The following TAF3 variants were observed in gnomAD, a reference collection of about 807,000 sequenced individuals.
The protein encoded by TAF3 is transcription initiation factor TFIID subunit 3.
TAF3 carries 7 observed loss-of-function variants against 80.6 expected under a neutral mutation model. The observed-to-expected ratio is 0.09, with a 90% confidence interval of 0.05 to 0.16. TAF3 has a LOEUF of 0.16. TAF3 is among the 10% of genes least tolerant of loss of function. The probability of loss-of-function intolerance (pLI) is 1.00; values close to 1 mark genes in which losing one functional copy is unlikely to be tolerated. For missense variants in TAF3, 921 were observed against 1,140.2 expected, an observed-to-expected ratio of 0.81 and a Z score of 2.77; for synonymous variants, 444 against 446.1, an observed-to-expected ratio of 1.00 and a Z score of 0.06.
At chr10:7,928,723 A>G (rs577854466) in intron 2 of TAF3, among the ~76,000 whole-genome samples, 1 of 152,292 alleles carries the variant, frequency 6.6e-6, no homozygotes, top group East Asian at 1.9e-4. Flanking sequence ...GATCTAGGTA[A>G]TGGCCTAAGA....
chr10:7,972,411 A>AAAT (rs1831630354), intron 3 of TAF3, among the ~76,000 whole-genome samples: 1 of 152,206 alleles, frequency 6.6e-6, no homozygotes, highest in South Asian at 2.1e-4. Flanking sequence ...TTTAGGAATG[A>AAAT]AATAAAAGTA....
chr10:7,993,282 C>T (rs1191632403), intron 4 of TAF3, among the ~76,000 whole-genome samples: 3 of 152,134 alleles, frequency 2.0e-5, no homozygotes, highest in African/African-American at 7.2e-5. Flanking sequence ...GAGCTCAAGC[C>T]ATCCTCCCAC....
intron 2 of TAF3, among the ~76,000 whole-genome samples, chr10:7,825,928 T>A (rs1836736084): frequency 2.0e-5 from 3 of 152,202 alleles, no homozygotes; most frequent in Admixed American, 2.0e-4. Flanking sequence ...ACCACACTGT[T>A]TTCCACAGTG....
intron 1 of TAF3, among the ~76,000 whole-genome samples, chr10:7,821,901 T>A (rs1334803910): frequency 6.6e-6 from 1 of 152,146 alleles, no homozygotes. Flanking sequence ...GCTTAGAGAA[T>A]CACATAAACT....
chr10:7,983,921 T>G (rs1205299002), intron 4 of TAF3, among the ~76,000 whole-genome samples: 1 of 152,228 alleles, frequency 6.6e-6, no homozygotes, highest in Non-Finnish European at 1.5e-5. Flanking sequence ...TAAGAATGAC[T>G]GGTGAAGTTC....
At chr10:7,915,287 T>C (rs1022280896) in intron 2 of TAF3, among the ~76,000 whole-genome samples, 1 of 151,728 alleles carries the variant, frequency 6.6e-6, no homozygotes, top group Non-Finnish European at 1.5e-5. Flanking sequence ...TTCCCTTTGC[T>C]CTTCCTGTGC....
chr10:7,882,458 G>T (rs986224989), intron 2 of TAF3, among the ~76,000 whole-genome samples: 2 of 152,174 alleles, frequency 1.3e-5, no homozygotes, highest in African/African-American at 4.8e-5. Context: ...TAAGAAATGA[G>T]AGGGAGAAGT....
At chr10:7,836,213 C>T (rs1275365835) in intron 2 of TAF3, among the ~76,000 whole-genome samples, 1 of 152,132 alleles carries the variant, frequency 6.6e-6, no homozygotes, top group Non-Finnish European at 1.5e-5. Context: ...CTGATGCCTC[C>T]CCAAACTGTC....
chr10:7,854,118 G>A (rs978319762), intron 2 of TAF3, among the ~76,000 whole-genome samples: 1 of 152,138 alleles, frequency 6.6e-6, no homozygotes, highest in African/African-American at 2.4e-5. Flanking sequence ...AGTGACCGAT[G>A]TCATTACTGA....
At chr10:7,985,113 G>A (rs1362112557) in intron 4 of TAF3, among the ~76,000 whole-genome samples, 4 of 152,260 alleles carry the variant, frequency 2.6e-5, no homozygotes, top group African/African-American at 4.8e-5. Flanking sequence ...GAATATCCAC[G>A]TCACTGCAGG....
chr10:7,956,978 G>A (rs1336972924), intron 2 of TAF3, among the ~76,000 whole-genome samples: 1 of 151,928 alleles, frequency 6.6e-6, no homozygotes, highest in Non-Finnish European at 1.5e-5. Context: ...TAGAACTATA[G>A]GGGTTATATA....
chr10:7,915,192 G>A (rs1266406370), intron 2 of TAF3, among the ~76,000 whole-genome samples: 2 of 150,636 alleles, frequency 1.3e-5, no homozygotes, highest in South Asian at 4.2e-4. Flanking sequence ...TGCCTGCCTC[G>A]GCCTCCCCAA....
rs1268797914 is a variant in TAF3, at chr10:8,009,441, ATTTAC to A, written c.2568+114_2568+118del. 2.2e-6 allele frequency: 3 copies of A among 1,366,988 alleles called. No homozygotes were observed. The African/African-American group carries it at 4.7e-5, about 22-fold the overall frequency. 84.7% of individuals were successfully genotyped at this position (1,366,988 alleles called of 1,614,324 possible). The stretch of plus-strand genomic sequence containing the variant: ...ACGCATTTCTCTTCAAAATTTTATT[ATTTAC>A]TTAATTATTTTTGAGACAGGGTCTC... On this transcript the variant is annotated intron_variant, in intron 5 of 6. Transcript: ENST00000344293. This position sits in a 1 kb window ranked among gnomAD's most constrained non-coding sequence, Gnocchi z 4.1.
chr10:7,910,978 C>T (rs1037313531), intron 2 of TAF3, among the ~76,000 whole-genome samples: 1 of 151,918 alleles, frequency 6.6e-6, no homozygotes, highest in Non-Finnish European at 1.5e-5. Context: ...ACCCGCTTAA[C>T]CTTAGCTTCT....
intron 4 of TAF3, among the ~76,000 whole-genome samples, chr10:7,992,910 C>G (rs1831848313): frequency 6.6e-6 from 1 of 152,088 alleles, no homozygotes; most frequent in African/African-American, 2.4e-5. Flanking sequence ...CAAACAAATT[C>G]AAAACTTAAT....
Position 7,965,167 on chromosome 10 carries a change from A to T in TAF3, c.1657A>T (p.Ser553Cys). The part of the protein sequence containing the change: ...EREKDKNKDK[S>C]KEKDKVKEKE... ...GGAAAAAGACAAGAACAAGGACAAA[A>T]GTAAGGAGAAGGATAAAGTGAAAGA... is the stretch of plus-strand genomic sequence containing the variant. The change falls in exon 3 of 7, where the codon AGT (serine) becomes TGT (cysteine). Residue 553 changes from serine (S) to cysteine (C), a missense_variant. Around this residue, in one of 6 missense-constraint regions of TAF3, gnomAD observed 743 missense variants for 821.0 expected, o/e 0.90. Transcript: ENST00000344293. The T allele has an allele frequency of 6.2e-7, 1 of 1,610,386 alleles. No individual in the cohort carries two copies. Among genetic ancestry groups the T allele is most frequent in the Non-Finnish European group, 8.5e-7 (1 of 1,179,112 alleles).
chr10:7,835,836 G>A (rs1404025580), intron 2 of TAF3, among the ~76,000 whole-genome samples: 1 of 152,106 alleles, frequency 6.6e-6, no homozygotes. Flanking sequence ...GTGGCATGTT[G>A]TCACCTGCAT....
chr10:7,945,431 C>T (rs1003391345), intron 2 of TAF3, among the ~76,000 whole-genome samples: 1 of 152,168 alleles, frequency 6.6e-6, no homozygotes, highest in Non-Finnish European at 1.5e-5. Flanking sequence ...CCTAATTTAT[C>T]TTGTTTACCT....
intron 2 of TAF3, among the ~76,000 whole-genome samples, chr10:7,842,050 T>C (rs1836919759): frequency 6.6e-6 from 1 of 152,080 alleles, no homozygotes; most frequent in Non-Finnish European, 1.5e-5. Flanking sequence ...CCACGCCCGA[T>C]GTGGGAGGCA....
Sources: gnomAD v4.1 joint callset for allele counts (sites outside exome capture counted in the v4.1 genomes callset) on GRCh38, gnomAD v4.1.1 for gene constraint, gnomAD v4.1.1 regional missense constraint, Gnocchi (gnomAD v3.1) non-coding constraint, MANE v1.5 for transcripts, NCBI Gene and HGNC (gene_info 2026-07-23, HGNC 2026-07-21) for gene names.